Variants in NDRG1 observed in about 807,000 individuals in gnomAD.
The protein encoded by NDRG1 is protein NDRG1.
In NDRG1, 32 loss-of-function variants were observed where a neutral mutation model predicts 56.9. The observed-to-expected ratio is 0.56, with a 90% CI of 0.42 to 0.76. NDRG1 has a LOEUF of 0.76. NDRG1 is among the 30% of genes least tolerant of loss of function. The pLI is 0.00. For missense variants in NDRG1, 507 were observed against 545.7 expected (o/e 0.93, Z 0.71); for synonymous variants, 211 against 204.1 (o/e 1.03, Z -0.29).
chr8:133,286,761 T>G (rs1171047395), intron 1 of NDRG1, among the ~76,000 whole-genome samples: 1 of 152,244 alleles, frequency 6.6e-6, no homozygotes, highest in Non-Finnish European at 1.5e-5. Context: ...ACATTATTTA[T>G]TGTCCCCCAA....
At chr8:133,259,421 C>G (rs556057240) in intron 5 of NDRG1, 191 bp from the exon 6 acceptor site, 1 of 638,134 alleles carries the variant, frequency 1.6e-6, no homozygotes, top group Admixed American at 2.3e-5. Context: ...TTGCTTCCTA[C>G]GCTCCAGGTC....
intron 1 of NDRG1, among the ~76,000 whole-genome samples, chr8:133,296,249 G>A (rs1858747832): frequency 3.3e-5 from 5 of 152,034 alleles, no homozygotes; most frequent in Admixed American, 3.3e-4. Flanking sequence ...CAGAGGCAGG[G>A]GAGGGGAGGA....
chr8:133,271,440 C>A (rs1857180045), intron 3 of NDRG1, among the ~76,000 whole-genome samples: 1 of 152,154 alleles, frequency 6.6e-6, no homozygotes, highest in South Asian at 2.1e-4. Flanking sequence ...TACACTCCTC[C>A]CCCTATATTT....
chr8:133,252,876 C>T (rs1159172017), intron 9 of NDRG1, among the ~76,000 whole-genome samples: 6 of 151,702 alleles, frequency 4.0e-5, no homozygotes. Flanking sequence ...CTCTATTGCC[C>T]TCGTACACTC....
chr8:133,276,402 C>T (rs1857457979), intron 3 of NDRG1, among the ~76,000 whole-genome samples: 1 of 152,144 alleles, frequency 6.6e-6, no homozygotes, highest in South Asian at 2.1e-4. Context: ...ATTTTAAAAT[C>T]CAAAATAACC....
chr8:133,288,155 T>C (rs1192434153), intron 1 of NDRG1: 1 of 152,334 alleles, frequency 6.6e-6, no homozygotes, highest in Non-Finnish European at 1.5e-5. Context: ...ACATCCACAG[T>C]CATTTATACT....
At chr8:133,264,392 T>C (rs1327244146) in intron 4 of NDRG1, among the ~76,000 whole-genome samples, 155 bp downstream of exon 4, 1 of 152,220 alleles carries the variant, frequency 6.6e-6, no homozygotes, top group East Asian at 1.9e-4. Context: ...TTCTGGCTTT[T>C]CCAGGCTGTG....
intron 15 of NDRG1, chr8:133,240,460 C>T (rs546774872): frequency 5.9e-5 from 9 of 152,202 alleles, no homozygotes; most frequent in African/African-American, 2.2e-4. Flanking sequence ...ATGCCACATC[C>T]GCAGCTCACA....
Position 133,238,839 on chromosome 8 carries a change from C to A in NDRG1, c.*39G>T. ...GGGGCCGGGGAGGAGGGGGCCACTA[C>A]AGAGATCAGAGTCCGGGGGCGGCAG... On this transcript the variant is annotated 3_prime_UTR_variant, in exon 16 of 16. Coordinates refer to ENST00000323851, the MANE Select transcript of NDRG1 (RefSeq NM_006096.4). The A allele has an allele frequency of 6.5e-7, 1 of 1,539,972 alleles. No individual in the cohort carries two copies. Among genetic ancestry groups the A allele is most frequent in the East Asian group, 2.4e-5 (1 of 41,160 alleles).
At chr8:133,259,104 G>A (rs2130727127) in intron 6 of NDRG1, 64 bp downstream of exon 6, 2 of 1,546,036 alleles carry the variant, frequency 1.3e-6, no homozygotes, top group Non-Finnish European at 1.8e-6. Context: ...AAGCCAAGGG[G>A]CAGGAAGATG....
chr8:133,272,388 G>A (rs1473537139), intron 3 of NDRG1, among the ~76,000 whole-genome samples: 5 of 152,194 alleles, frequency 3.3e-5, no homozygotes. Flanking sequence ...TGTGCATTCA[G>A]TGTTTGCAAT....
chr8:133,253,237 G>A (rs1370590069), intron 9 of NDRG1, among the ~76,000 whole-genome samples: 2 of 152,238 alleles, frequency 1.3e-5, no homozygotes, highest in African/African-American at 4.8e-5. Flanking sequence ...CATGCTGTGA[G>A]GGGCTTGGCT....
At chr8:133,277,610 T>C (rs1422247732) in intron 3 of NDRG1, among the ~76,000 whole-genome samples, 1 of 152,160 alleles carries the variant, frequency 6.6e-6, no homozygotes, top group East Asian at 1.9e-4. Context: ...AAATGGACGA[T>C]AGTGATGGTT....
At chr8:133,244,585 G>A in intron 13 of NDRG1, 195 bp from the exon 14 acceptor site, 1 of 666,294 alleles carries the variant, frequency 1.5e-6, no homozygotes, top group South Asian at 1.7e-5. Context: ...TGTCTCCGTG[G>A]CAACCATCAC....
intron 3 of NDRG1, among the ~76,000 whole-genome samples, chr8:133,267,874 C>T (rs1856997763): frequency 6.6e-6 from 1 of 152,164 alleles, no homozygotes; most frequent in Admixed American, 6.5e-5. Flanking sequence ...GAGCACAGCA[C>T]CAGGCAGGAT....
At chr8:133,261,117 T>C (rs188532600) in intron 5 of NDRG1, among the ~76,000 whole-genome samples, 18 of 152,132 alleles carry the variant, frequency 1.2e-4, no homozygotes, top group Admixed American at 3.9e-4. Flanking sequence ...CCTTTTTTTC[T>C]TTTTTGGAGA....
At chr8:133,263,474 C>T (rs866182062) in intron 4 of NDRG1, among the ~76,000 whole-genome samples, 3 of 152,214 alleles carry the variant, frequency 2.0e-5, no homozygotes, top group South Asian at 2.1e-4. Context: ...TTTCAACATT[C>T]AGTAGCTTCC....
At chr8:133,270,611 T>C (rs1857140930) in intron 3 of NDRG1, among the ~76,000 whole-genome samples, 1 of 152,176 alleles carries the variant, frequency 6.6e-6, no homozygotes, top group African/African-American at 2.4e-5. Context: ...ACTTGGAACA[T>C]GGATGAGATG....
At chr8:133,258,282 G>A (rs1424832604) in intron 7 of NDRG1, 84 bp downstream of exon 7, 1 of 1,385,588 alleles carries the variant, frequency 7.2e-7, no homozygotes, top group Non-Finnish European at 1.0e-6. Context: ...TTTCCCTTTT[G>A]GGTTTTTGAT....
Sources: gnomAD v4.1 joint callset for allele counts (sites outside exome capture counted in the v4.1 genomes callset) on GRCh38, gnomAD v4.1.1 for gene constraint, MANE v1.5 for transcripts, NCBI Gene and HGNC (gene_info 2026-07-23, HGNC 2026-07-21) for gene names.